Variants in MAGI3 observed in about 807,000 individuals in gnomAD.
The protein encoded by MAGI3 is membrane-associated guanylate kinase, WW and PDZ domain-containing protein 3.
In MAGI3, 43 loss-of-function variants were observed where a neutral mutation model predicts 121.8. The observed-to-expected ratio is 0.35, with a 90% CI of 0.28 to 0.46. The LOEUF (loss-of-function observed/expected upper bound fraction) is 0.46. Among genes scored for constraint, MAGI3 ranks in the 20% least tolerant of loss-of-function variants. The probability of loss-of-function intolerance (pLI) is 1.00; values close to 1 mark genes in which losing one functional copy is unlikely to be tolerated. For missense variants in MAGI3, 1,547 were observed against 1,797.3 expected, an observed-to-expected ratio of 0.86 and a Z score of 2.52; for synonymous variants, 553 against 639.3, an observed-to-expected ratio of 0.86 and a Z score of 2.04.
intron 1 of MAGI3, among the ~76,000 whole-genome samples, chr1:113,483,518 T>G (rs1338101580): frequency 6.6e-6 from 1 of 152,206 alleles, no homozygotes; most frequent in African/African-American, 2.4e-5. Context: ...AATGTGACCA[T>G]GCTGGTACTG....
At chr1:113,635,321 C>T (rs1305617193) in intron 9 of MAGI3, among the ~76,000 whole-genome samples, 1 of 152,308 alleles carries the variant, frequency 6.6e-6, no homozygotes. Flanking sequence ...AAAGGGAATG[C>T]TTCCAGTTTT....
chr1:113,594,048 C>G (rs1648848408), intron 5 of MAGI3, among the ~76,000 whole-genome samples: 1 of 152,172 alleles, frequency 6.6e-6, no homozygotes, highest in Non-Finnish European at 1.5e-5. Flanking sequence ...CCACACAGTA[C>G]CTACGTATCA....
At chr1:113,539,761 G>A (rs1450990348) in intron 1 of MAGI3, among the ~76,000 whole-genome samples, 2 of 150,100 alleles carry the variant, frequency 1.3e-5, no homozygotes, top group African/African-American at 4.9e-5. Flanking sequence ...CATGAGCATT[G>A]GACTGCATTG....
intron 1 of MAGI3, among the ~76,000 whole-genome samples, chr1:113,509,353 T>C (rs1311529460): frequency 7.1e-6 from 1 of 141,462 alleles, no homozygotes; most frequent in African/African-American, 2.5e-5. Flanking sequence ...CAATTATCTT[T>C]TCTTTTTTTT....
At chr1:113,636,594 A>G (rs1208951221) in intron 9 of MAGI3, among the ~76,000 whole-genome samples, 2 of 152,052 alleles carry the variant, frequency 1.3e-5, no homozygotes, top group Non-Finnish European at 2.9e-5. Flanking sequence ...TCTGAGAGAC[A>G]GTTTGTTATA....
At chr1:113,494,327 C>T (rs898878396) in intron 1 of MAGI3, among the ~76,000 whole-genome samples, 1 of 152,020 alleles carries the variant, frequency 6.6e-6, no homozygotes, top group Non-Finnish European at 1.5e-5. Context: ...CACGTGGACA[C>T]GGGAACAACA....
In MAGI3 at chr1:113,653,899, G is replaced by A. The variant is rs143698690; in HGVS notation, c.2510G>A (p.Arg837Gln). ...CAGAATGGATCTCCCCGCCTGAACC[G>A]GGCAGAGGTCCCAGCCAGGCCTGCA... ...STQNGSPRLN[R>Q]AEVPARPAPQ... The change falls in exon 15 of 21, where the codon CGG becomes CAG. Residue 837 changes from arginine to glutamine, a missense_variant. Coordinates refer to ENST00000307546, the MANE Select transcript of MAGI3 (RefSeq NM_001142782.2). The A allele has an allele frequency of 1.4e-4, 225 of 1,613,824 alleles. No homozygotes were observed. Among genetic ancestry groups the A allele is most frequent in the African/African-American group, 1.9e-4 (14 of 74,882 alleles).
intron 1 of MAGI3, among the ~76,000 whole-genome samples, chr1:113,491,144 G>C (rs945385054): frequency 1.3e-5 from 2 of 152,132 alleles, no homozygotes; most frequent in African/African-American, 4.8e-5. Flanking sequence ...ACACTCCTCA[G>C]TAAATGCAAA....
chr1:113,668,201 G>A (rs781601538), intron 16 of MAGI3, among the ~76,000 whole-genome samples: 3 of 152,026 alleles, frequency 2.0e-5, no homozygotes, highest in African/African-American at 4.8e-5. Flanking sequence ...TAATAGACTC[G>A]CCCAATGCAG....
In MAGI3 at chr1:113,673,397, T is replaced by G; in HGVS notation, c.3121T>G (p.Tyr1041Asp). The change falls in exon 19 of 21, where the codon TAC (tyrosine) becomes GAC (aspartate). Residue 1041 changes from tyrosine (Y) to aspartate (D), a missense_variant. Physicochemically the swap from Tyr to Asp is radical, Grantham distance 160. Transcript: ENST00000307546. ...FGFSLRGGKE[Y>D]NMGLFILRLA... ...ATTCAGCCTCCGAGGGGGGAAGGAGTACAACATGGGGCTGTTCATCCTTCG... is the reference window on the plus strand; with the variant it reads ...ATTCAGCCTCCGAGGGGGGAAGGAGGACAACATGGGGCTGTTCATCCTTCG... The G allele has an allele frequency of 6.2e-7, 1 of 1,612,102 alleles. No individual in the cohort carries two copies. The highest frequency in any genetic ancestry group is 8.5e-7 in the Non-Finnish European group (1 of 1,179,674).
chr1:113,673,520 A>G, intron 19 of MAGI3, 55 bp downstream of exon 19: 2 of 1,542,980 alleles, frequency 1.3e-6, no homozygotes, highest in Admixed American at 4.0e-5. Context: ...AGAAACTTCG[A>G]AAGATATTAA....
intron 2 of MAGI3, among the ~76,000 whole-genome samples, chr1:113,576,080 G>A (rs1350875579): frequency 1.3e-5 from 2 of 152,198 alleles, no homozygotes; most frequent in African/African-American, 4.8e-5. Flanking sequence ...TCAGACTGCT[G>A]TGCTGGCACT....
At chr1:113,409,103 G>A (rs1396569869) in intron 1 of MAGI3, among the ~76,000 whole-genome samples, 1 of 151,498 alleles carries the variant, frequency 6.6e-6, no homozygotes, top group African/African-American at 2.4e-5. Context: ...CCTTTGACAA[G>A]AAGAGTTTCT....
At chr1:113,565,606 G>A (rs982379350) in intron 2 of MAGI3, among the ~76,000 whole-genome samples, 6 of 152,196 alleles carry the variant, frequency 3.9e-5, no homozygotes, top group African/African-American at 1.4e-4. Context: ...AGATTTCTGA[G>A]CATGGTTAAC....
chr1:113,474,635 G>A (rs900800712), intron 1 of MAGI3, among the ~76,000 whole-genome samples: 3 of 152,048 alleles, frequency 2.0e-5, no homozygotes, highest in Non-Finnish European at 4.4e-5. Flanking sequence ...ATCTGTTTTG[G>A]TACCAGTACC....
intron 1 of MAGI3, among the ~76,000 whole-genome samples, chr1:113,478,313 T>G (rs1210607123): frequency 6.6e-6 from 1 of 152,216 alleles, no homozygotes; most frequent in African/African-American, 2.4e-5. Flanking sequence ...TGAGGTGCTC[T>G]GATTTTTAGA....
intron 6 of MAGI3, among the ~76,000 whole-genome samples, chr1:113,603,719 G>A (rs1649554734): frequency 6.6e-6 from 1 of 152,096 alleles, no homozygotes; most frequent in Non-Finnish European, 1.5e-5. Flanking sequence ...GAACATATTT[G>A]CAAATTATGC....
intron 1 of MAGI3, among the ~76,000 whole-genome samples, chr1:113,476,207 G>C (rs961711872): frequency 2.0e-5 from 3 of 151,918 alleles, no homozygotes; most frequent in Non-Finnish European, 2.9e-5. Flanking sequence ...AGGGTTTTTT[G>C]TGTCTCCATC....
At chr1:113,650,089 G>A (rs1292867354) in intron 13 of MAGI3, among the ~76,000 whole-genome samples, 1 of 151,788 alleles carries the variant, frequency 6.6e-6, no homozygotes, top group Non-Finnish European at 1.5e-5. Flanking sequence ...TGGAAGTTAG[G>A]TGAAGAACAA....
Sources: allele counts gnomAD v4.1 joint callset (sites outside exome capture counted in the v4.1 genomes callset), GRCh38; gene constraint gnomAD v4.1.1; transcripts MANE v1.5; gene names NCBI Gene and HGNC (gene_info 2026-07-23, HGNC 2026-07-21).